The following KBTBD12 variants were observed in gnomAD, a reference collection of about 807,000 sequenced individuals.
KBTBD12 encodes the protein kelch repeat and BTB domain containing 12, also known as kelch repeat and BTB domain-containing protein 12.
Under a neutral mutation model 58.7 loss-of-function variants are expected in KBTBD12, and 53 were observed. The ratio of observed to expected loss-of-function variants is 0.90; its 90% CI spans 0.72 to 1.14. The LOEUF is 1.14. Ranked by LOEUF, KBTBD12 falls within the 50% of genes most tolerant of loss-of-function variation. The pLI, the probability that KBTBD12 is intolerant of heterozygous loss-of-function variation, is 0.00. For missense variants in KBTBD12, 704 were observed against 751.3 expected, an observed-to-expected ratio of 0.94 and a Z score of 0.74; for synonymous variants, 236 against 259.8, an observed-to-expected ratio of 0.91 and a Z score of 0.88.
intron 5 of KBTBD12, among the ~76,000 whole-genome samples, chr3:127,981,483 T>C (rs1940870248): frequency 6.6e-6 from 1 of 152,234 alleles, no homozygotes; most frequent in Non-Finnish European, 1.5e-5. Flanking sequence ...CCACTTTTGA[T>C]GTTGCTGAGA....
chr3:127,961,737 C>T (rs1475430168), intron 4 of KBTBD12, among the ~76,000 whole-genome samples: 1 of 152,114 alleles, frequency 6.6e-6, no homozygotes, highest in Non-Finnish European at 1.5e-5. Flanking sequence ...CATTCCAACA[C>T]ACAACGTGTC....
chr3:127,983,645 C>T (rs1940913887), intron 5 of KBTBD12, among the ~76,000 whole-genome samples: 1 of 152,124 alleles, frequency 6.6e-6, no homozygotes, highest in South Asian at 2.1e-4. Flanking sequence ...CCCAGCTACT[C>T]AGGAGGGTGA....
intron 5 of KBTBD12, among the ~76,000 whole-genome samples, chr3:127,971,449 A>G (rs1171754242): frequency 6.6e-6 from 1 of 152,206 alleles, no homozygotes; most frequent in Non-Finnish European, 1.5e-5. Flanking sequence ...CCCTGCTGAC[A>G]AAGCCCCCAC....
intron 4 of KBTBD12, among the ~76,000 whole-genome samples, chr3:127,959,371 G>C (rs994619197): frequency 2.0e-5 from 3 of 152,162 alleles, no homozygotes; most frequent in African/African-American, 7.2e-5. Context: ...TTTTCCCTCT[G>C]CCTGAAGCCT....
chr3:127,951,654 C>T (rs1349590616), intron 4 of KBTBD12, among the ~76,000 whole-genome samples: 5 of 152,172 alleles, frequency 3.3e-5, no homozygotes, highest in Non-Finnish European at 7.3e-5. Context: ...TTCTGTATCC[C>T]ACCCCTCCCT....
chr3:127,938,832 C>T (rs13080044), intron 4 of KBTBD12, among the ~76,000 whole-genome samples: 51,480 of 151,918 alleles, frequency 0.34, 8,867 homozygotes, highest in Non-Finnish European at 0.36. Flanking sequence ...ACGTTCTCTC[C>T]CACTGAATAC....
At chr3:127,978,254 G>C (rs1264041612) in intron 5 of KBTBD12, among the ~76,000 whole-genome samples, 1 of 152,126 alleles carries the variant, frequency 6.6e-6, no homozygotes, top group East Asian at 1.9e-4. Flanking sequence ...GCCATTCCCT[G>C]ATTTCAACAA....
intron 5 of KBTBD12, among the ~76,000 whole-genome samples, chr3:127,975,757 T>C (rs1303804401): frequency 6.6e-6 from 1 of 152,078 alleles, no homozygotes; most frequent in Non-Finnish European, 1.5e-5. Flanking sequence ...TAGAATTTTC[T>C]CTCCGAACTC....
chr3:127,975,264 T>G (rs1258510381), intron 5 of KBTBD12, among the ~76,000 whole-genome samples: 1 of 152,202 alleles, frequency 6.6e-6, no homozygotes, highest in Non-Finnish European at 1.5e-5. Context: ...GAGGTGTTCA[T>G]CCTCAGACTA....
chr3:127,934,831 TAAGGTG>T (rs936572993), intron 4 of KBTBD12, among the ~76,000 whole-genome samples: 1 of 152,022 alleles, frequency 6.6e-6, no homozygotes, highest in Non-Finnish European at 1.5e-5. Context: ...CTTCAAAACT[TAAGGTG>T]AAATAGACAT....
chr3:127,936,201 A>G (rs1319295690), intron 4 of KBTBD12, among the ~76,000 whole-genome samples: 1 of 152,080 alleles, frequency 6.6e-6, no homozygotes, highest in South Asian at 2.1e-4. Flanking sequence ...CCCTGTCTCT[A>G]CTAAAAATAC....
intron 5 of KBTBD12, among the ~76,000 whole-genome samples, chr3:127,972,373 T>G (rs957322495): frequency 4.6e-5 from 7 of 152,298 alleles, no homozygotes; most frequent in Admixed American, 4.6e-4. Context: ...GGCATCAATA[T>G]TTTTTAAAAA....
intron 5 of KBTBD12, among the ~76,000 whole-genome samples, chr3:127,973,549 T>C (rs1940719479): frequency 6.6e-6 from 1 of 152,192 alleles, no homozygotes; most frequent in South Asian, 2.1e-4. Context: ...TTTGTGATTA[T>C]GTAAAGGAAT....
chr3:127,920,839 C>T (rs546626733), intron 1 of KBTBD12, among the ~76,000 whole-genome samples: 2 of 151,886 alleles, frequency 1.3e-5, no homozygotes, highest in Non-Finnish European at 2.9e-5. Context: ...TTCTCTATTA[C>T]TATGAGTACT....
At position 127,945,164 on chromosome 3, in the gene KBTBD12, C is replaced by CTTTTTTTTTTTTT. The variant is rs56216317; in HGVS notation, c.1492+14907_1492+14919dup. 1.8e-3 allele frequency among the ~76,000 whole-genome samples: 51 copies of CTTTTTTTTTTTTT among 28,772 alleles called. 21 individuals carry two copies. Among genetic ancestry groups the CTTTTTTTTTTTTT allele is most frequent in the Admixed American group, 7.0e-3 (13 of 1,850 alleles). The allele number at this position is 28,772 out of a possible 152,430, so 18.9% of individuals were successfully genotyped here. The stretch of plus-strand genomic sequence containing the variant: ...TGTTTTTTTTAAAAATAGTAGCTAT[C>CTTTTTTTTTTTTT]TTTTTTTTTTTTTTTTTTTTTTTTT... On this transcript the variant is annotated intron_variant, in intron 4 of 5. Transcript: ENST00000405109.
intron 5 of KBTBD12, among the ~76,000 whole-genome samples, chr3:127,965,806 G>C (rs144427445): frequency 1.3e-5 from 2 of 152,240 alleles, no homozygotes; most frequent in African/African-American, 4.8e-5. Flanking sequence ...AAAGAGAAGA[G>C]ACAGGAAAAT....
At chr3:127,975,520 C>G (rs1940769535) in intron 5 of KBTBD12, among the ~76,000 whole-genome samples, 1 of 152,190 alleles carries the variant, frequency 6.6e-6, no homozygotes, top group East Asian at 1.9e-4. Flanking sequence ...TCAGAAAAGA[C>G]AGATTCAGCT....
intron 4 of KBTBD12, among the ~76,000 whole-genome samples, chr3:127,937,229 A>G (rs1939849368): frequency 6.6e-6 from 1 of 152,126 alleles, no homozygotes; most frequent in Non-Finnish European, 1.5e-5. Flanking sequence ...TGGAGACCTC[A>G]CATACTGGAA....
intron 4 of KBTBD12, among the ~76,000 whole-genome samples, chr3:127,954,097 A>G (rs767896623): frequency 3.9e-5 from 6 of 152,174 alleles, no homozygotes; most frequent in Non-Finnish European, 8.8e-5. Context: ...GGAGGAGACC[A>G]AAGGGAAGGT....
Sources: gnomAD v4.1 joint callset for allele counts (sites outside exome capture counted in the v4.1 genomes callset) on GRCh38, gnomAD v4.1.1 for gene constraint, MANE v1.5 for transcripts, NCBI Gene and HGNC (gene_info 2026-07-23, HGNC 2026-07-21) for gene names.